USP22: variants seen among roughly 807,000 people sequenced by gnomAD.
USP22 encodes ubiquitin carboxyl-terminal hydrolase 22.
USP22 carries 22 observed loss-of-function variants against 68.1 expected under a neutral mutation model. That is an observed-to-expected ratio of 0.32 (90% CI 0.23 to 0.46). USP22 has a LOEUF of 0.46. Ranked by LOEUF, USP22 falls within the 20% of genes least tolerant of loss-of-function variation. The pLI is 1.00. For synonymous variants in USP22, 279 were observed against 274.2 expected, an observed-to-expected ratio of 1.02 and a Z score of -0.17; for missense variants, 433 against 695.8, an observed-to-expected ratio of 0.62 and a Z score of 4.25.
Position 21,037,644 on chromosome 17 carries a change from G to C in USP22, c.171+5021C>G, listed in dbSNP as rs1376109843. Among the ~76,000 whole-genome samples the C allele has an allele frequency of 3.3e-5, 5 of 152,324 alleles. No homozygotes were observed. In the East Asian group the frequency reaches 9.6e-4, roughly 29 times the overall value. On this transcript the variant is annotated intron_variant, in intron 1 of 12. Coordinates refer to ENST00000261497, the MANE Select transcript of USP22 (RefSeq NM_015276.2). ...CAGCCTGAGAAACTGTCACTGTCTAGAAGAGCCCAAGAGGACGTGAAGACT... is the reference window on the plus strand; with the variant it reads ...CAGCCTGAGAAACTGTCACTGTCTACAAGAGCCCAAGAGGACGTGAAGACT...
At chr17:21,025,664 T>C (rs1205183846) in intron 2 of USP22, among the ~76,000 whole-genome samples, 1 of 152,066 alleles carries the variant, frequency 6.6e-6, no homozygotes, top group African/African-American at 2.4e-5. Context: ...GACTGAGCCA[T>C]ACAAAGGAAT....
chr17:21,016,425 T>C (rs1914136133), intron 5 of USP22, among the ~76,000 whole-genome samples: 1 of 152,198 alleles, frequency 6.6e-6, no homozygotes, highest in African/African-American at 2.4e-5. Context: ...ATCCCACGGC[T>C]TCCTCCCCAG....
intron 2 of USP22, among the ~76,000 whole-genome samples, 176 bp downstream of exon 2, chr17:21,028,366 G>T (rs1972248091): frequency 6.6e-6 from 1 of 152,116 alleles, no homozygotes. Context: ...CTGAGGACGC[G>T]ATTCAGCTGA....
intron 10 of USP22, 114 bp from the exon 11 acceptor site, chr17:21,005,104 G>A (rs931491000): frequency 8.3e-6 from 10 of 1,211,036 alleles, no homozygotes; most frequent in Non-Finnish European, 1.2e-5. Flanking sequence ...CTGCACCGAG[G>A]TGCACTTTAT....
At chr17:21,006,782 CG>C (rs886172571) in intron 10 of USP22, 113 bp downstream of exon 10, 5 of 767,532 alleles carry the variant, frequency 6.5e-6, no homozygotes, top group Non-Finnish European at 9.9e-6. Context: ...GGATTACAGG[CG>C]GGAGCCACTG....
chr17:21,002,889 G>A lies in USP22; in HGVS notation c.*142C>T, dbSNP rs974072451. ...CCCGACCCGATGGGTCCCAGGTGCA[G>A]AGGGGCCACATCTGCATGGGAGGTG... is the stretch of plus-strand genomic sequence containing the variant. On this transcript the variant is annotated 3_prime_UTR_variant, in exon 13 of 13. Coordinates refer to ENST00000261497, the MANE Select transcript of USP22 (RefSeq NM_015276.2). 1.3e-5 allele frequency: 13 copies of A among 1,006,426 alleles called. No individual in the cohort carries two copies. The highest frequency in any genetic ancestry group is 2.0e-5 in the Non-Finnish European group (13 of 653,778). The allele number at this position is 1,006,426 out of a possible 1,614,324, so 62.3% of individuals were successfully genotyped here.
Position 21,006,931 on chromosome 17 carries a change from G to A in USP22, c.1287C>T (p.Pro429=), listed in dbSNP as rs769589114. ...TGAAAGGGGTCATGTCCAGCTCCAG[G>A]GGGAAGGACACATACGTGGTGATCT... The part of the protein sequence containing the change: ...RRKITTYVSF[P]LELDMTPFMA... Residue 429 remains proline, a synonymous_variant, in exon 10 of 13, where the codon CCC becomes CCT. Transcript: ENST00000261497. The A allele has an allele frequency of 6.2e-7, 1 of 1,609,706 alleles. No individual in the cohort carries two copies.
chr17:21,035,166 A>G (rs1324980618), intron 1 of USP22, among the ~76,000 whole-genome samples: 2 of 152,184 alleles, frequency 1.3e-5, no homozygotes, highest in Non-Finnish European at 2.9e-5. Context: ...TCAATTACAC[A>G]TGTATGGGGA....
upstream of USP22, chr17:21,043,150 C>T (rs1296508088): frequency 6.3e-6 from 1 of 159,270 alleles, no homozygotes; most frequent in Admixed American, 6.8e-5. Context: ...CGGCCGGCAC[C>T]GCACTGCGCA....
intron 12 of USP22, 121 bp downstream of exon 12, chr17:21,004,081 C>T (rs1913694057): frequency 1.1e-5 from 15 of 1,361,606 alleles, no homozygotes; most frequent in East Asian, 4.8e-5. Flanking sequence ...TTCATTACTT[C>T]GGCAAATGAA....
intron 5 of USP22, among the ~76,000 whole-genome samples, chr17:21,016,271 G>T (rs1300255207): frequency 1.3e-5 from 2 of 152,192 alleles, no homozygotes; most frequent in African/African-American, 4.8e-5. Flanking sequence ...GCAAAGGGAA[G>T]CACATCACTG....
chr17:21,024,192 GACGT>G (rs1229249385), intron 2 of USP22, among the ~76,000 whole-genome samples: 1 of 152,132 alleles, frequency 6.6e-6, no homozygotes, highest in Non-Finnish European at 1.5e-5. Context: ...CCAGCACATG[GACGT>G]CACAGAGAAA....
intron 8 of USP22, among the ~76,000 whole-genome samples, chr17:21,009,622 A>G (rs1292285276): frequency 1.3e-5 from 2 of 152,158 alleles, no homozygotes; most frequent in African/African-American, 4.8e-5. Flanking sequence ...ATTGGAATTT[A>G]TGATTAAATT....
At chr17:21,026,658 GAAAA>G (rs56106552) in intron 2 of USP22, among the ~76,000 whole-genome samples, 1 of 147,430 alleles carries the variant, frequency 6.8e-6, no homozygotes, top group Non-Finnish European at 1.5e-5. Flanking sequence ...AAATTAGTAG[GAAAA>G]AAAAAAATCA....
At chr17:21,019,808 G>A (rs1972131697) in intron 3 of USP22, among the ~76,000 whole-genome samples, 1 of 152,238 alleles carries the variant, frequency 6.6e-6, no homozygotes, top group African/African-American at 2.4e-5. Context: ...TGGATAGACA[G>A]AATTATAAAA....
Position 21,020,749 on chromosome 17 carries a change from C to T in USP22, c.418+364G>A, listed in dbSNP as rs553785241. ...GTCCAGATACGGAGTCACCTGTCCC[C>T]GAGAGGTGTGACCTCGCCACACTCG... On this transcript the variant is annotated intron_variant, in intron 3 of 12. Transcript: ENST00000261497. Among the ~76,000 whole-genome samples the T allele has an allele frequency of 4.6e-5, 7 of 152,312 alleles. No individual in the cohort carries two copies. The East Asian group carries it at 9.6e-4, about 21-fold the overall frequency.
At chr17:21,039,715 G>A (rs973938506) in intron 1 of USP22, among the ~76,000 whole-genome samples, 5 of 152,166 alleles carry the variant, frequency 3.3e-5, no homozygotes, top group Non-Finnish European at 4.4e-5. Context: ...AACAAAACTC[G>A]TAATTCCTAT....
At chr17:21,007,103 G>T (rs1913806499) in intron 9 of USP22, 116 bp from the exon 10 acceptor site, 2 of 871,224 alleles carry the variant, frequency 2.3e-6, no homozygotes, top group Admixed American at 3.1e-5. Context: ...GTATTTTATT[G>T]AACTGCCTTG....
intron 2 of USP22, among the ~76,000 whole-genome samples, chr17:21,023,316 T>C (rs1972179919): frequency 6.6e-6 from 1 of 152,164 alleles, no homozygotes; most frequent in South Asian, 2.1e-4. Context: ...AACCTGCACA[T>C]GTACCGTTGA....
Sources: gnomAD v4.1 joint callset for allele counts (sites outside exome capture counted in the v4.1 genomes callset) on GRCh38, gnomAD v4.1.1 for gene constraint, MANE v1.5 for transcripts, NCBI Gene and HGNC (gene_info 2026-07-23, HGNC 2026-07-21) for gene names.